CADPS: variants seen among roughly 807,000 people sequenced by gnomAD.
CADPS encodes the protein calcium dependent secretion activator, also known as calcium-dependent secretion activator 1.
A neutral mutation model predicts 167.3 loss-of-function variants in CADPS; 57 were observed. The ratio of observed to expected loss-of-function variants is 0.34; its 90% CI spans 0.28 to 0.42. The LOEUF is 0.42. Among genes scored for constraint, CADPS ranks in the 20% least tolerant of loss-of-function variants. CADPS has a pLI of 1.00. For synonymous variants in CADPS, 676 were observed against 635.3 expected (o/e 1.06, Z -0.96); for missense variants, 1,414 against 1,738.1 (o/e 0.81, Z 3.32).
chr3:62,643,651 C>T (rs2067910061), intron 6 of CADPS, among the ~76,000 whole-genome samples: 1 of 152,328 alleles, frequency 6.6e-6, no homozygotes, highest in South Asian at 2.1e-4. Context: ...ACCGTTGCAT[C>T]TGATCGAATG....
intron 4 of CADPS, among the ~76,000 whole-genome samples, chr3:62,658,303 C>T (rs2072247576): frequency 3.3e-5 from 5 of 152,028 alleles, no homozygotes; most frequent in Admixed American, 3.3e-4. Flanking sequence ...CAGTGTCTGA[C>T]TGACACATTT....
intron 3 of CADPS, among the ~76,000 whole-genome samples, chr3:62,729,404 AG>A (rs1446087678): frequency 1.3e-5 from 2 of 151,888 alleles, no homozygotes; most frequent in African/African-American, 4.9e-5. Context: ...AGAGCAGGTT[AG>A]AGGGGAGATG....
At chr3:62,528,291 A>G (rs1214326705) in intron 13 of CADPS, among the ~76,000 whole-genome samples, 1 of 152,220 alleles carries the variant, frequency 6.6e-6, no homozygotes, top group East Asian at 1.9e-4. Flanking sequence ...TATGAGTTTC[A>G]GGCAAGTGAC....
At chr3:62,745,931 G>T (rs2081354850) in intron 3 of CADPS, among the ~76,000 whole-genome samples, 1 of 152,202 alleles carries the variant, frequency 6.6e-6, no homozygotes, top group South Asian at 2.1e-4. Context: ...AAATAAGTGT[G>T]CAAAGCAATT....
At chr3:62,864,927 G>A (rs1434467997) in intron 1 of CADPS, among the ~76,000 whole-genome samples, 2 of 152,072 alleles carry the variant, frequency 1.3e-5, no homozygotes, top group Non-Finnish European at 2.9e-5. Context: ...CATCTAAAAT[G>A]ACTTTACATA....
chr3:62,407,249 G>A (rs557912108), intron 28 of CADPS, among the ~76,000 whole-genome samples: 60 of 152,104 alleles, frequency 3.9e-4, no homozygotes, highest in Non-Finnish European at 6.3e-4. Flanking sequence ...ACCAGGGAAA[G>A]TCATGTGGTG....
At chr3:62,413,598 G>A (rs913616214) in intron 28 of CADPS, among the ~76,000 whole-genome samples, 1 of 152,124 alleles carries the variant, frequency 6.6e-6, no homozygotes, top group East Asian at 1.9e-4. Context: ...GTGTTACCAG[G>A]GGCTAAGGGG....
At chr3:62,724,066 C>T (rs1322620191) in intron 3 of CADPS, among the ~76,000 whole-genome samples, 1 of 152,226 alleles carries the variant, frequency 6.6e-6, no homozygotes, top group Non-Finnish European at 1.5e-5. Context: ...CCTGCAAGCA[C>T]TTAACCTTGA....
At chr3:62,706,051 T>C (rs1030429753) in intron 3 of CADPS, among the ~76,000 whole-genome samples, 1 of 152,110 alleles carries the variant, frequency 6.6e-6, no homozygotes, top group Non-Finnish European at 1.5e-5. Flanking sequence ...ATGTTGTCAC[T>C]ATCTGGGCTG....
At chr3:62,854,389 A>G (rs1434699409) in intron 1 of CADPS, among the ~76,000 whole-genome samples, 1 of 152,152 alleles carries the variant, frequency 6.6e-6, no homozygotes, top group Non-Finnish European at 1.5e-5. Flanking sequence ...ATTTTGCTCT[A>G]TCGTTTCAAA....
chr3:62,795,530 T>C (rs2093346001), intron 1 of CADPS, among the ~76,000 whole-genome samples: 1 of 152,214 alleles, frequency 6.6e-6, no homozygotes. Flanking sequence ...TCTTGTTTAC[T>C]AAGGCTTGTA....
intron 22 of CADPS, 78 bp downstream of exon 22, chr3:62,481,645 T>C: frequency 1.6e-6 from 2 of 1,279,740 alleles, no homozygotes; most frequent in Admixed American, 5.2e-5. Flanking sequence ...TTATATAGGA[T>C]GTATAGAAAT....
chr3:62,589,528 T>C (rs577984098), intron 7 of CADPS, among the ~76,000 whole-genome samples: 1 of 152,328 alleles, frequency 6.6e-6, no homozygotes, highest in Admixed American at 6.5e-5. Context: ...GTAGTGCAAA[T>C]AGCCCTGGAG....
Position 62,827,173 on chromosome 3 carries a change from T to A in CADPS, c.441+47416A>T, listed in dbSNP as rs529966107. Reference sequence around the variant, plus strand: ...CCACCCAGGTGTGTAAAGAAATCTATCCCATAGCTGGAAATACAATATAAT... The same window carrying A: ...CCACCCAGGTGTGTAAAGAAATCTAACCCATAGCTGGAAATACAATATAAT... On this transcript the variant is annotated intron_variant, in intron 1 of 29. Coordinates refer to ENST00000383710, the MANE Select transcript of CADPS (RefSeq NM_003716.4). Among the ~76,000 whole-genome samples the A allele has an allele frequency of 5.9e-5, 9 of 152,258 alleles. No individual in the cohort carries two copies. The East Asian group carries it at 1.7e-3, about 29-fold the overall frequency.
In CADPS at chr3:62,412,183, G is replaced by T. The variant is rs1206452454; in HGVS notation, c.3778-8998C>A. On this transcript the variant is annotated intron_variant, in intron 28 of 29. Transcript: ENST00000383710. The surrounding 1 kb of genome is among the most constrained non-coding windows in gnomAD (Gnocchi z 4.1). ...TTTTTTTAACGTCCGTAATTCTTTG[G>T]ATACCTGAAAACCCATGCCACTGAA... 1.4e-5 allele frequency among the ~76,000 whole-genome samples: 2 copies of T among 143,932 alleles called. No homozygotes were observed. Among genetic ancestry groups the T allele is most frequent in the Non-Finnish European group, 3.0e-5 (2 of 66,314 alleles). The allele number at this position is 143,932 out of a possible 152,430, so 94.4% of individuals were successfully genotyped here.
chr3:62,746,963 C>A (rs1469877490), intron 3 of CADPS, among the ~76,000 whole-genome samples: 1 of 152,076 alleles, frequency 6.6e-6, no homozygotes, highest in Non-Finnish European at 1.5e-5. Context: ...ACGGCCAAGA[C>A]AACAAAAACA....
At chr3:62,619,872 C>T (rs1379985528) in intron 6 of CADPS, among the ~76,000 whole-genome samples, 1 of 152,076 alleles carries the variant, frequency 6.6e-6, no homozygotes, top group African/African-American at 2.4e-5. Flanking sequence ...CTTTGAGGTG[C>T]TTTGTTGGAG....
chr3:62,757,968 A>T (rs535577729), intron 2 of CADPS, among the ~76,000 whole-genome samples: 2 of 152,214 alleles, frequency 1.3e-5, no homozygotes, highest in Admixed American at 6.5e-5. Context: ...CCATGATTCA[A>T]TTACCTCTCA....
chr3:62,807,546 G>C (rs1044532618), intron 1 of CADPS, among the ~76,000 whole-genome samples: 93 of 152,142 alleles, frequency 6.1e-4, no homozygotes, highest in African/African-American at 2.2e-3. Flanking sequence ...ACAGGTATGA[G>C]CCACCGAGCC....
Sources: gnomAD v4.1 joint callset for allele counts (sites outside exome capture counted in the v4.1 genomes callset) on GRCh38, gnomAD v4.1.1 for gene constraint, Gnocchi (gnomAD v3.1) non-coding constraint, MANE v1.5 for transcripts, NCBI Gene and HGNC (gene_info 2026-07-23, HGNC 2026-07-21) for gene names.